The following BICDL1 variants were observed in gnomAD, a reference collection of about 807,000 sequenced individuals.
The protein encoded by BICDL1 is BICD family-like cargo adapter 1.
BICDL1 carries 20 observed loss-of-function variants against 76.8 expected under a neutral mutation model. The ratio of observed to expected loss-of-function variants is 0.26; its 90% CI spans 0.18 to 0.38. The LOEUF (loss-of-function observed/expected upper bound fraction) is 0.38, where lower values mean the gene tolerates loss of function less well. BICDL1 is among the 10% of genes least tolerant of loss of function. BICDL1 has a pLI of 1.00. For synonymous variants in BICDL1, 383 were observed against 337.1 expected, an observed-to-expected ratio of 1.14 and a Z score of -1.49; for missense variants, 700 against 798.6, an observed-to-expected ratio of 0.88 and a Z score of 1.49.
At chr12:120,036,542 G>A (rs1952534380) in intron 2 of BICDL1, among the ~76,000 whole-genome samples, 1 of 152,150 alleles carries the variant, frequency 6.6e-6, no homozygotes, top group African/African-American at 2.4e-5. Context: ...TTGGGTTTAG[G>A]TAGTGATTAT....
At chr12:120,081,442 CTGGG>C (rs1369679923) in intron 8 of BICDL1, among the ~76,000 whole-genome samples, 1 of 148,346 alleles carries the variant, frequency 6.7e-6, no homozygotes, top group Non-Finnish European at 1.5e-5. Context: ...ACCTCTGCCT[CTGGG>C]TTTAAGCGAT....
intron 8 of BICDL1, among the ~76,000 whole-genome samples, chr12:120,082,193 G>A: frequency 6.6e-6 from 1 of 151,990 alleles, no homozygotes; most frequent in African/African-American, 2.4e-5. Context: ...TGCATTCTGG[G>A]TTTGATTGCA....
At chr12:120,077,945 G>T (rs192716793) in intron 7 of BICDL1, among the ~76,000 whole-genome samples, 2 of 152,100 alleles carry the variant, frequency 1.3e-5, no homozygotes, top group East Asian at 3.8e-4. Context: ...CATTCCAGCC[G>T]CACAGCCTGC....
At chr12:120,026,619 G>A (rs1952308535) in intron 2 of BICDL1, among the ~76,000 whole-genome samples, 1 of 152,224 alleles carries the variant, frequency 6.6e-6, no homozygotes, top group African/African-American at 2.4e-5. Context: ...ATACACTAAT[G>A]ATGGAGGCAA....
intron 7 of BICDL1, 64 bp from the exon 8 acceptor site, chr12:120,080,823 T>G: frequency 6.3e-7 from 1 of 1,582,432 alleles, no homozygotes; most frequent in Non-Finnish European, 8.6e-7. Context: ...TTGTTCCTTT[T>G]TCCCTCTTGG....
chr12:120,078,801 A>C (rs1360732582), intron 7 of BICDL1, among the ~76,000 whole-genome samples: 1 of 152,204 alleles, frequency 6.6e-6, no homozygotes, highest in Non-Finnish European at 1.5e-5. Context: ...TTTCCTGCCT[A>C]GCATATAGTT....
rs144045949 is a variant in BICDL1 at position 120,004,288 on chromosome 12, C to T, written c.645+5552C>T. Among the ~76,000 whole-genome samples, 19 of 152,314 alleles carry T rather than the reference C, an allele frequency of 1.2e-4. No homozygotes were observed. The East Asian group carries it at 3.5e-3, about 28-fold the overall frequency. ...CAAGTGTCTCTAACAAACCTCTCCCCAGTTTCTCACATCCAGAATTGGGGT... is the reference window on the plus strand; with the variant it reads ...CAAGTGTCTCTAACAAACCTCTCCCTAGTTTCTCACATCCAGAATTGGGGT... On this transcript the variant is annotated intron_variant, in intron 2 of 9. Coordinates refer to ENST00000548673, the MANE Select transcript of BICDL1 (RefSeq NM_001367886.1).
chr12:120,051,071 G>A (rs964652505), intron 2 of BICDL1, among the ~76,000 whole-genome samples: 2 of 145,594 alleles, frequency 1.4e-5, no homozygotes, highest in Non-Finnish European at 3.0e-5. Context: ...TTGCTCTGTC[G>A]CCCAGAGCTG....
rs3742041 is a variant in BICDL1, at chr12:120,093,725, C to A, written c.*564C>A. 6.6e-4 allele frequency: 113 copies of A among 172,288 alleles called. 1 individual carries two copies. In the East Asian group the frequency reaches 0.018, roughly 27 times the overall value. 10.7% of individuals were successfully genotyped at this position (172,288 alleles called of 1,614,324 possible). On this transcript the variant is annotated 3_prime_UTR_variant, in exon 10 of 10. Transcript: ENST00000548673. ...CCTCAGCTGGCAGGAGGCCAAGCCT[C>A]TGGCCGCAGGGTCTAAGAGCCGGGG...
chr12:120,073,196 C>G (rs542198296), intron 6 of BICDL1, among the ~76,000 whole-genome samples: 1 of 152,288 alleles, frequency 6.6e-6, no homozygotes, highest in South Asian at 2.1e-4. Flanking sequence ...TTGAGAACAC[C>G]AACTACTGCT....
At chr12:120,077,543 T>A (rs1873649316) in intron 7 of BICDL1, among the ~76,000 whole-genome samples, 1 of 151,986 alleles carries the variant, frequency 6.6e-6, no homozygotes, top group Non-Finnish European at 1.5e-5. Context: ...GTTAGAAGCA[T>A]CCCATTTCTG....
chr12:120,016,136 A>T (rs1476866772), intron 2 of BICDL1, among the ~76,000 whole-genome samples: 2 of 152,238 alleles, frequency 1.3e-5, no homozygotes, highest in Admixed American at 1.3e-4. Flanking sequence ...TGGATATTTC[A>T]TATAAATGGA....
intron 2 of BICDL1, chr12:120,000,492 G>A (rs1951737635): frequency 6.6e-6 from 1 of 152,144 alleles, no homozygotes; most frequent in Admixed American, 6.5e-5. Context: ...GAGAGGCCTG[G>A]CTAGATTGAT....
chr12:120,045,917 T>TAATAATAATAATAATAATA (rs1555288138), intron 2 of BICDL1, among the ~76,000 whole-genome samples: 19 of 137,700 alleles, frequency 1.4e-4, no homozygotes, highest in African/African-American at 4.1e-4. Context: ...CTTAAAGTAT[T>TAATAATAATAATAATAATA]ATAATAATAA....
At chr12:120,033,827 C>T (rs1325595203) in intron 2 of BICDL1, among the ~76,000 whole-genome samples, 1 of 151,986 alleles carries the variant, frequency 6.6e-6, no homozygotes, top group East Asian at 1.9e-4. Context: ...ACATTTTTGG[C>T]CAGAAGATGT....
chr12:120,065,166 A>G (rs1018894368), intron 4 of BICDL1, among the ~76,000 whole-genome samples: 8 of 152,348 alleles, frequency 5.3e-5, no homozygotes, highest in Non-Finnish European at 8.8e-5. Flanking sequence ...CTGGAACACC[A>G]GGAGTGCTAT....
intron 2 of BICDL1, among the ~76,000 whole-genome samples, chr12:120,031,596 A>G (rs913953506): frequency 2.6e-5 from 4 of 152,134 alleles, no homozygotes; most frequent in African/African-American, 7.2e-5. Flanking sequence ...TTATTCCTAC[A>G]TACTTCAGTT....
intron 8 of BICDL1, among the ~76,000 whole-genome samples, chr12:120,083,389 G>C (rs1874143105): frequency 6.6e-6 from 1 of 151,986 alleles, no homozygotes; most frequent in Non-Finnish European, 1.5e-5. Flanking sequence ...CTCCCGAGTA[G>C]CTGGGACTAC....
chr12:120,054,430 T>C (rs1039808338), intron 2 of BICDL1, among the ~76,000 whole-genome samples: 1 of 152,168 alleles, frequency 6.6e-6, no homozygotes. Context: ...GCTTGTCCAG[T>C]CTACTTCTAC....
Sources: allele counts gnomAD v4.1 joint callset (sites outside exome capture counted in the v4.1 genomes callset), GRCh38; gene constraint gnomAD v4.1.1; transcripts MANE v1.5; gene names NCBI Gene and HGNC (gene_info 2026-07-23, HGNC 2026-07-21).